The following MYO9B variants were observed in gnomAD, a reference collection of about 807,000 sequenced individuals.
MYO9B encodes the protein myosin IXB, also known as unconventional myosin-IXb.
MYO9B carries 71 observed loss-of-function variants against 229.5 expected under a neutral mutation model. The observed-to-expected ratio is 0.31, with a 90% CI of 0.26 to 0.38. MYO9B has a LOEUF of 0.38. MYO9B is among the 10% of genes least tolerant of loss of function. MYO9B has a pLI of 1.00. For missense variants in MYO9B, 2,255 were observed against 2,920.5 expected (o/e 0.77, Z 5.25); for synonymous variants, 1,185 against 1,235.8 (o/e 0.96, Z 0.86).
chr19:17,081,893 G>A (rs2057537126), intron 1 of MYO9B, among the ~76,000 whole-genome samples: 1 of 151,954 alleles, frequency 6.6e-6, no homozygotes, highest in South Asian at 2.1e-4. Context: ...ATGTGTTGAG[G>A]GCCAGGTCCA....
At chr19:17,210,670 G>C in intron 37 of MYO9B, 45 bp from the exon 38 acceptor site, 1 of 1,492,514 alleles carries the variant, frequency 6.7e-7, no homozygotes, top group Non-Finnish European at 8.9e-7. Context: ...CAGTAACCTC[G>C]CCCACTCAGA....
intron 19 of MYO9B, among the ~76,000 whole-genome samples, chr19:17,189,801 T>C (rs992832935): frequency 2.0e-5 from 3 of 151,822 alleles, no homozygotes; most frequent in African/African-American, 7.3e-5. Flanking sequence ...CAGTGGCTCA[T>C]GCTTGTAATC....
At chr19:17,160,816 C>T (rs940502166) in intron 8 of MYO9B, among the ~76,000 whole-genome samples, 8 of 152,206 alleles carry the variant, frequency 5.3e-5, no homozygotes, top group African/African-American at 1.9e-4. Flanking sequence ...TCTCCTGCCT[C>T]AGCCTCCTGA....
intron 18 of MYO9B, 94 bp from the exon 19 acceptor site, chr19:17,187,841 C>G: frequency 9.8e-7 from 1 of 1,022,772 alleles, no homozygotes; most frequent in Non-Finnish European, 1.5e-6. Flanking sequence ...GGGAAGTGCC[C>G]TCATCTCACA....
At chr19:17,126,725 T>C (rs2072122602) in intron 2 of MYO9B, among the ~76,000 whole-genome samples, 2 of 149,094 alleles carry the variant, frequency 1.3e-5, no homozygotes, top group African/African-American at 2.5e-5. Context: ...AATGCAGTGG[T>C]GCGATCTCAG....
rs1479671478 is a variant in MYO9B at position 17,210,776 on chromosome 19, A to C, written c.5858A>C (p.Glu1953Ala). 1.5e-5 allele frequency: 24 copies of C among 1,578,900 alleles called. No homozygotes were observed. The East Asian group carries it at 5.6e-4, about 37-fold the overall frequency. ...GAGCTGGAGGTGCTGCTGGAGGAGGAGGCAGCCGGCGGCGATGAGGACCGG... is the reference window on the plus strand; with the variant it reads ...GAGCTGGAGGTGCTGCTGGAGGAGGCGGCAGCCGGCGGCGATGAGGACCGG... ...EEELEVLLEE[E>A]AAGGDEDREK... Residue 1953 changes from glutamate (E) to alanine (A), a missense_variant, in exon 38 of 40, where the codon GAG (glutamate) becomes GCG (alanine). Around this residue, in one of 7 missense-constraint regions of MYO9B, gnomAD observed 331 missense variants for 332.5 expected, o/e 1.00. Transcript: ENST00000682292.
rs761700951 is a variant in MYO9B, at chr19:17,202,852, C to T, written c.4847C>T (p.Ala1616Val). ...NDFEPVKQSK[A>V]QKKKRKQERA... is the part of the protein sequence containing the mutation. The stretch of plus-strand genomic sequence containing the variant: ...TTGTGTTCCTCACAGCAGAGCAAAG[C>T]TCAGAAGAAGAAGCGGAAGCAGGAG... The change falls in exon 29 of 40, where the codon GCT becomes GTT. Residue 1616 changes from alanine (A) to valine (V), a missense_variant. Physicochemically the swap from Ala to Val is moderately conservative, Grantham distance 64 (BLOSUM62 0). Coordinates refer to ENST00000682292, the MANE Select transcript of MYO9B (RefSeq NM_004145.4). 3 of 1,599,802 alleles carry T rather than the reference C, an allele frequency of 1.9e-6. No homozygotes were observed. The highest frequency in any genetic ancestry group is 1.1e-5 in the South Asian group (1 of 88,522).
At position 17,184,923 on chromosome 19, in the gene MYO9B, C is replaced by T. The variant is rs375554217; in HGVS notation, c.2432C>T (p.Thr811Ile). Residue 811 changes from threonine to isoleucine, a missense_variant, in exon 17 of 40, where the codon ACC (threonine) becomes ATC (isoleucine). Physicochemically the swap from Thr to Ile is moderately conservative, Grantham distance 89 (BLOSUM62 -1). This residue lies in a region of MYO9B where 68 missense variants were observed against 133.5 expected (regional missense o/e 0.51). Transcript: ENST00000682292. ...ATCAGCATGACTCTGCACGACCGCA[C>T]CACCAAGTCCCTACTGCACCTGCAC... is the stretch of plus-strand genomic sequence containing the variant. ...LIISMTLHDR[T>I]TKSLLHLHKK... The T allele has an allele frequency of 6.8e-6, 11 of 1,613,838 alleles. 1 individual carries two copies. The highest frequency in any genetic ancestry group is 1.6e-4 in the Middle Eastern group (1 of 6,084).
intron 11 of MYO9B, among the ~76,000 whole-genome samples, chr19:17,169,802 C>CTTTTTTTTTTT (rs762583073): frequency 1.9e-5 from 2 of 106,588 alleles, no homozygotes; most frequent in African/African-American, 8.3e-5. Context: ...CTGTCTCCTC[C>CTTTTTTTTTTT]TTTTTTTTTT....
chr19:17,207,178 G>C lies in MYO9B; in HGVS notation c.5558G>C (p.Cys1853Ser). 6.2e-7 allele frequency: 1 copy of C among 1,605,328 alleles called. No individual in the cohort carries two copies. Among genetic ancestry groups the C allele is most frequent in the Non-Finnish European group, 8.5e-7 (1 of 1,176,818 alleles). The change falls in exon 35 of 40, where the codon TGC (cysteine) becomes TCC (serine). Residue 1853 changes from cysteine to serine, a missense_variant. By Grantham distance (112) the Cys-to-Ser change is moderately radical. Around this residue, in one of 7 missense-constraint regions of MYO9B, gnomAD observed 416 missense variants for 605.5 expected, o/e 0.69. Coordinates refer to ENST00000682292, the MANE Select transcript of MYO9B (RefSeq NM_004145.4). ...PGALAIIFAP[C>S]LLRCPDNSDP... Reference sequence around the variant, plus strand: ...GCGCTGGCCATTATCTTCGCACCCTGCCTCCTGCGCTGCCCTGACAACTCG... The same window carrying C: ...GCGCTGGCCATTATCTTCGCACCCTCCCTCCTGCGCTGCCCTGACAACTCG...
intron 2 of MYO9B, among the ~76,000 whole-genome samples, chr19:17,119,464 A>AG (rs1188197082): frequency 2.6e-5 from 4 of 152,154 alleles, no homozygotes; most frequent in Non-Finnish European, 5.9e-5. Context: ...CTGAGGCAGC[A>AG]GGGAGGCCGA....
chr19:17,081,017 T>A (rs2057529261), intron 1 of MYO9B, among the ~76,000 whole-genome samples: 1 of 151,496 alleles, frequency 6.6e-6, no homozygotes, highest in Non-Finnish European at 1.5e-5. Flanking sequence ...ATTACATTTT[T>A]ATTTATTTGT....
At chr19:17,082,942 A>G (rs2057546980) in intron 1 of MYO9B, among the ~76,000 whole-genome samples, 1 of 151,624 alleles carries the variant, frequency 6.6e-6, no homozygotes, top group South Asian at 2.1e-4. Flanking sequence ...AATATCCTGC[A>G]GCCAAGTGAG....
intron 2 of MYO9B, among the ~76,000 whole-genome samples, chr19:17,139,356 G>A (rs1354767029): frequency 3.3e-5 from 5 of 152,104 alleles, no homozygotes; most frequent in Non-Finnish European, 7.4e-5. Context: ...GGCCTAGGCA[G>A]GAAAATCGCT....
At chr19:17,145,328 A>G in intron 2 of MYO9B, 69 bp from the exon 3 acceptor site, 1 of 1,359,704 alleles carries the variant, frequency 7.4e-7, no homozygotes, top group East Asian at 2.3e-5. Context: ...ACAGTGTAAA[A>G]TGAGAGGAAA....
chr19:17,211,612 G>C, intron 38 of MYO9B, 35 bp from the exon 39 acceptor site: 3 of 1,552,580 alleles, frequency 1.9e-6, no homozygotes, highest in Non-Finnish European at 2.6e-6. Context: ...CTTCCGGTGG[G>C]GTGGCCTTGG....
At chr19:17,211,270 C>T (rs1050406322) in intron 38 of MYO9B, among the ~76,000 whole-genome samples, 2 of 151,972 alleles carry the variant, frequency 1.3e-5, no homozygotes, top group African/African-American at 2.4e-5. Context: ...CGTGAGCCAC[C>T]GCACTCGGCC....
chr19:17,190,925 G>A (rs1013739179), intron 19 of MYO9B, among the ~76,000 whole-genome samples, 172 bp from the exon 20 acceptor site: 17 of 152,238 alleles, frequency 1.1e-4, no homozygotes, highest in Admixed American at 3.3e-4. Flanking sequence ...GAGTACAGGT[G>A]TGAGCCACCA....
chr19:17,077,317 G>A (rs2057494795), intron 1 of MYO9B, among the ~76,000 whole-genome samples: 2 of 152,138 alleles, frequency 1.3e-5, no homozygotes, highest in South Asian at 2.1e-4. Context: ...AGATGAACCC[G>A]GATAGCTGGA....
Sources: gnomAD v4.1 joint callset for allele counts (sites outside exome capture counted in the v4.1 genomes callset) on GRCh38, gnomAD v4.1.1 for gene constraint, gnomAD v4.1.1 regional missense constraint, MANE v1.5 for transcripts, NCBI Gene and HGNC (gene_info 2026-07-23, HGNC 2026-07-21) for gene names.